Variants in MED13L observed in about 807,000 individuals in gnomAD.
The protein encoded by MED13L is mediator complex subunit 13L.
Under a neutral mutation model 220.9 loss-of-function variants are expected in MED13L, and 7 were observed. The observed-to-expected ratio is 0.03, with a 90% CI of 0.02 to 0.06. MED13L has a LOEUF of 0.06. Ranked by LOEUF, MED13L falls within the 10% of genes least tolerant of loss-of-function variation. The pLI, the probability that MED13L is intolerant of heterozygous loss-of-function variation, is 1.00. For synonymous variants in MED13L, 1,011 were observed against 1,015.2 expected (o/e 1.00, Z 0.08); for missense variants, 1,965 against 2,760.5 (o/e 0.71, Z 6.46).
chr12:116,260,821 A>G (rs1872461854), intron 1 of MED13L, among the ~76,000 whole-genome samples: 1 of 152,166 alleles, frequency 6.6e-6, no homozygotes, highest in Non-Finnish European at 1.5e-5. Context: ...TAATATAAAC[A>G]AAACCTTCAT....
chr12:116,056,006 C>T (rs987639882), intron 4 of MED13L, among the ~76,000 whole-genome samples: 4 of 152,024 alleles, frequency 2.6e-5, no homozygotes, highest in South Asian at 2.1e-4. Flanking sequence ...ATAAGCTCCA[C>T]GAGCAGACAA....
intron 4 of MED13L, among the ~76,000 whole-genome samples, chr12:116,035,084 C>G (rs769100573): frequency 6.6e-6 from 1 of 152,128 alleles, no homozygotes; most frequent in East Asian, 1.9e-4. Flanking sequence ...TATCTTTGTG[C>G]CAGACACTGT....
intron 2 of MED13L, among the ~76,000 whole-genome samples, chr12:116,118,351 A>T (rs1166389728): frequency 6.6e-6 from 1 of 152,160 alleles, no homozygotes; most frequent in African/African-American, 2.4e-5. Flanking sequence ...ATAAGTTAAC[A>T]AACAAAATTT....
At chr12:115,973,699 T>C (rs969595098) in intron 25 of MED13L, among the ~76,000 whole-genome samples, 18 of 152,278 alleles carry the variant, frequency 1.2e-4, no homozygotes, top group African/African-American at 2.4e-4. Context: ...GGGAGGAAGA[T>C]AGAAAATTCT....
chr12:116,181,295 A>T (rs917951733), intron 2 of MED13L: 13 of 129,014 alleles, frequency 1.0e-4, no homozygotes, highest in Admixed American at 8.9e-4. Flanking sequence ...ATCATCTTTA[A>T]AAAAAAAAAA....
rs763100117 is a variant in MED13L, at chr12:115,983,455, T to C, written c.4617A>G (p.Gln1539=). The change falls in exon 21 of 31, where the codon CAA becomes CAG. Residue 1539 remains glutamine, a synonymous_variant. Coordinates refer to ENST00000281928, the MANE Select transcript of MED13L (RefSeq NM_015335.5). The part of the protein sequence containing the change: ...YQTPPAAAQG[Q]ATPGNAGPLA... The stretch of plus-strand genomic sequence containing the variant: ...AGGGCCCAGCATTCCCTGGCGTAGC[T>C]TGTCCCTGTGCTGCTGCTGGTGGGG... The C allele has an allele frequency of 4.3e-6, 7 of 1,614,080 alleles. No individual in the cohort carries two copies. Among genetic ancestry groups the C allele is most frequent in the East Asian group, 2.2e-5 (1 of 44,890 alleles).
At chr12:116,115,262 T>A (rs11067907) in intron 2 of MED13L, among the ~76,000 whole-genome samples, 1,920 of 152,280 alleles carry the variant, frequency 0.013, 22 homozygotes, top group Non-Finnish European at 0.017. Context: ...TCATTTTTTT[T>A]AATTCAACAA....
At chr12:116,102,053 G>A (rs1873103739) in intron 3 of MED13L, among the ~76,000 whole-genome samples, 1 of 152,150 alleles carries the variant, frequency 6.6e-6, no homozygotes, top group African/African-American at 2.4e-5. Context: ...AATAGTACTA[G>A]GAAATTATTT....
chr12:116,151,901 T>C (rs1433192360), intron 2 of MED13L, among the ~76,000 whole-genome samples: 1 of 152,194 alleles, frequency 6.6e-6, no homozygotes, highest in East Asian at 1.9e-4. Flanking sequence ...TTTCTGTATG[T>C]TTTCTCTGGT....
rs557633394 is a variant in MED13L at position 116,070,109 on chromosome 12, C to G, written c.479+26560G>C. On this transcript the variant is annotated intron_variant, in intron 4 of 30. Transcript: ENST00000281928. ...AATATCTCTCACTCTTGGCATGATT[C>G]ATTAAGGGCTAAAATAGATAAAGTA... Among the ~76,000 whole-genome samples the G allele has an allele frequency of 7.9e-5, 12 of 152,264 alleles. No individual in the cohort carries two copies. In the East Asian group the frequency reaches 2.3e-3, roughly 29 times the overall value.
At chr12:115,994,025 G>A (rs1878243264) in intron 16 of MED13L, among the ~76,000 whole-genome samples, 1 of 152,186 alleles carries the variant, frequency 6.6e-6, no homozygotes, top group South Asian at 2.1e-4. Flanking sequence ...GTAGCCACCA[G>A]TCCCCATGTC....
At chr12:116,005,021 A>G (rs182699554) in intron 13 of MED13L, among the ~76,000 whole-genome samples, 63 of 152,268 alleles carry the variant, frequency 4.1e-4, no homozygotes, top group African/African-American at 1.4e-3. Flanking sequence ...TGTCTCAAGT[A>G]TAAGGGTGGT....
At position 115,991,321 on chromosome 12, in the gene MED13L, C is replaced by A; in HGVS notation, c.3633G>T (p.Gln1211His). 1 of 1,613,968 alleles carries A rather than the reference C, an allele frequency of 6.2e-7. No homozygotes were observed. The highest frequency in any genetic ancestry group is 1.1e-5 in the South Asian group (1 of 91,074). The stretch of plus-strand genomic sequence containing the variant: ...CCTGGGGTTTTTTGGTTCCTTCCAC[C>A]TGAGGAAGGAAGGTGGACTGACACA... ...LMMCQSTFLP[Q>H]VEGTKKPQEP... Residue 1211 changes from glutamine (Q) to histidine (H), a missense_variant, in exon 17 of 31, where the codon CAG becomes CAT. Physicochemically the swap from Gln to His is conservative, Grantham distance 24. This residue lies in a region of MED13L where 165 missense variants were observed against 190.8 expected (regional missense o/e 0.86). Coordinates refer to ENST00000281928, the MANE Select transcript of MED13L (RefSeq NM_015335.5). This position sits in a 1 kb window ranked among gnomAD's most constrained non-coding sequence, Gnocchi z 7.7.
chr12:116,004,253 C>T (rs1878915802), intron 13 of MED13L, among the ~76,000 whole-genome samples: 1 of 152,118 alleles, frequency 6.6e-6, no homozygotes, highest in Non-Finnish European at 1.5e-5. Context: ...CCTATCCTAA[C>T]CCTCTGTATC....
chr12:116,276,993 G>C (rs1227467900), intron 1 of MED13L, 67 bp downstream of exon 1: 35 of 1,496,170 alleles, frequency 2.3e-5, no homozygotes, highest in Non-Finnish European at 5.4e-6. Context: ...AAAGTTGGTC[G>C]GCGGCGGAGG....
intron 1 of MED13L, among the ~76,000 whole-genome samples, chr12:116,246,785 A>C: frequency 1.2e-5 from 1 of 86,422 alleles, no homozygotes; most frequent in South Asian, 6.4e-4. Flanking sequence ...GAAGGGAGGG[A>C]CAGGAGGGGA....
At chr12:115,997,662 C>T (rs1000875028) in intron 14 of MED13L, among the ~76,000 whole-genome samples, 2 of 152,206 alleles carry the variant, frequency 1.3e-5, no homozygotes, top group Non-Finnish European at 2.9e-5. Context: ...GCTCAAGTGG[C>T]CCGCCTGCCT....
intron 14 of MED13L, among the ~76,000 whole-genome samples, chr12:116,000,347 G>C (rs1212672241): frequency 6.6e-6 from 1 of 152,204 alleles, no homozygotes; most frequent in Non-Finnish European, 1.5e-5. Context: ...ACAGCCACCA[G>C]GACGGACTGG....
At chr12:116,237,004 A>C (rs1452596404) in intron 2 of MED13L, 10 of 374,098 alleles carry the variant, frequency 2.7e-5, no homozygotes, top group Non-Finnish European at 3.7e-5. Context: ...ATTCAATGTA[A>C]TCTCACAATT....
Sources: allele counts gnomAD v4.1 joint callset (sites outside exome capture counted in the v4.1 genomes callset), GRCh38; gene constraint gnomAD v4.1.1; regional missense constraint gnomAD v4.1.1; non-coding constraint Gnocchi (gnomAD v3.1); transcripts MANE v1.5; gene names NCBI Gene and HGNC (gene_info 2026-07-23, HGNC 2026-07-21).